TRHDE: variants seen among roughly 807,000 people sequenced by gnomAD.
The protein encoded by TRHDE is thyrotropin releasing hormone degrading enzyme, also known as thyrotropin-releasing hormone-degrading ectoenzyme.
Under a neutral mutation model 125.7 loss-of-function variants are expected in TRHDE, and 72 were observed. The ratio of observed to expected loss-of-function variants is 0.57; its 90% confidence interval spans 0.47 to 0.70. TRHDE has a LOEUF of 0.70. Among genes scored for constraint, TRHDE ranks in the 30% least tolerant of loss-of-function variants. The pLI, the probability that TRHDE is intolerant of heterozygous loss-of-function variation, is 0.00. For missense variants in TRHDE, 1,110 were observed against 1,327.1 expected (o/e 0.84, Z 2.54); for synonymous variants, 509 against 509.1 (o/e 1.00, Z 0.00).
At chr12:72,646,724 A>G (rs576535773) in intron 15 of TRHDE, among the ~76,000 whole-genome samples, 19 of 152,170 alleles carry the variant, frequency 1.2e-4, no homozygotes, top group African/African-American at 4.3e-4. Context: ...GTCAAAAACC[A>G]TCACAAAAAC....
intron 6 of TRHDE, among the ~76,000 whole-genome samples, chr12:72,518,425 T>C (rs1229139467): frequency 6.6e-6 from 1 of 151,858 alleles, no homozygotes; most frequent in African/African-American, 2.4e-5. Context: ...CTTTTGATCT[T>C]TGTTGGTTTA....
intron 2 of TRHDE, among the ~76,000 whole-genome samples, chr12:72,346,454 T>C (rs1870332221): frequency 1.4e-5 from 2 of 140,628 alleles, no homozygotes; most frequent in Admixed American, 7.4e-5. Flanking sequence ...GTTGGGTCTG[T>C]CTGCCCATGT....
At chr12:72,258,042 A>G (rs372460542) in intron 2 of TRHDE, 26 of 152,030 alleles carry the variant, frequency 1.7e-4, no homozygotes, top group African/African-American at 6.3e-4. Context: ...CAGAAGGGTA[A>G]ATGTATAGTT....
chr12:72,514,028 A>G (rs1478287242), intron 6 of TRHDE, among the ~76,000 whole-genome samples: 1 of 152,158 alleles, frequency 6.6e-6, no homozygotes, highest in Non-Finnish European at 1.5e-5. Flanking sequence ...CGGATCTCAG[A>G]TGAAAACCAT....
chr12:72,519,704 G>T (rs1879080493), intron 6 of TRHDE, among the ~76,000 whole-genome samples: 1 of 152,202 alleles, frequency 6.6e-6, no homozygotes, highest in South Asian at 2.1e-4. Context: ...CGTTCCTTTG[G>T]AGGAGGAGAG....
At chr12:72,118,730 C>T (rs900762633) in intron 2 of TRHDE, among the ~76,000 whole-genome samples, 14 of 152,008 alleles carry the variant, frequency 9.2e-5, no homozygotes, top group Non-Finnish European at 1.5e-4. Context: ...TCTTGTTACT[C>T]GTTACTGGTC....
At chr12:72,655,756 ATTG>A (rs533453854) in intron 17 of TRHDE, among the ~76,000 whole-genome samples, 62 of 152,324 alleles carry the variant, frequency 4.1e-4, no homozygotes, top group Admixed American at 1.6e-3. Flanking sequence ...TTAGAAAAAA[ATTG>A]TTATTTGCCT....
At chr12:72,218,954 C>A (rs990880982) in intron 2 of TRHDE, among the ~76,000 whole-genome samples, 4 of 152,116 alleles carry the variant, frequency 2.6e-5, no homozygotes, top group African/African-American at 7.2e-5. Context: ...AACCCCTTAT[C>A]CCTTAGTTTC....
chr12:72,653,692 C>A (rs1053276049), intron 17 of TRHDE, among the ~76,000 whole-genome samples: 1 of 151,996 alleles, frequency 6.6e-6, no homozygotes, highest in Non-Finnish European at 1.5e-5. Flanking sequence ...GGTGAGAATT[C>A]TTTAGCCTCA....
chr12:72,250,943 T>C (rs1055645682), intron 2 of TRHDE, among the ~76,000 whole-genome samples: 1 of 150,162 alleles, frequency 6.7e-6, no homozygotes, highest in Non-Finnish European at 1.5e-5. Context: ...CACTTTTTGG[T>C]CTCTCTTATT....
In TRHDE at chr12:72,499,595, C is replaced by T; in HGVS notation, c.1682C>T (p.Thr561Ile). The change falls in exon 6 of 19, where the codon ACA becomes ATA. Residue 561 changes from threonine (T) to isoleucine (I), a missense_variant. Physicochemically the swap from Thr to Ile is moderately conservative, Grantham distance 89. This residue lies in a region of TRHDE where 527 missense variants were observed against 651.8 expected (regional missense o/e 0.81). Transcript: ENST00000261180. ...GTATCACAGGAAGTGCTGCAGGCAA[C>T]AGATATTGACAGGGTGTTTGACTGG... ...HPVSQEVLQA[T>I]DIDRVFDWIA... is the part of the protein sequence containing the mutation. 2 of 1,613,606 alleles carry T rather than the reference C, an allele frequency of 1.2e-6. No individual in the cohort carries two copies. Among genetic ancestry groups the T allele is most frequent in the South Asian group, 1.1e-5 (1 of 91,070 alleles).
chr12:72,257,843 A>T, intron 2 of TRHDE: 1 of 152,200 alleles, frequency 6.6e-6, no homozygotes, highest in East Asian at 1.9e-4. Flanking sequence ...GAACGTTTAC[A>T]TCCTGATTTT....
chr12:72,363,592 A>C (rs768079222), intron 2 of TRHDE, among the ~76,000 whole-genome samples: 2 of 152,120 alleles, frequency 1.3e-5, no homozygotes, highest in African/African-American at 2.4e-5. Context: ...AAAAACTCTC[A>C]ATAAATTAGG....
chr12:72,333,455 G>T (rs982399899), intron 2 of TRHDE, among the ~76,000 whole-genome samples: 23 of 152,138 alleles, frequency 1.5e-4, no homozygotes, highest in Admixed American at 6.5e-5. Context: ...TTTTAGAAAA[G>T]GTGTTTTGGG....
At chr12:72,439,985 T>C (rs1460383238) in intron 3 of TRHDE, among the ~76,000 whole-genome samples, 2 of 152,062 alleles carry the variant, frequency 1.3e-5, no homozygotes, top group African/African-American at 2.4e-5. Flanking sequence ...TTGGATTTTC[T>C]CATATGCTCT....
At chr12:72,442,550 T>C (rs1214127278) in intron 3 of TRHDE, among the ~76,000 whole-genome samples, 1 of 151,914 alleles carries the variant, frequency 6.6e-6, no homozygotes, top group African/African-American at 2.4e-5. Flanking sequence ...TCTTTCATTC[T>C]TGGAACTTTA....
At chr12:72,164,351 G>T (rs115333899) in intron 2 of TRHDE, among the ~76,000 whole-genome samples, 10 of 152,270 alleles carry the variant, frequency 6.6e-5, no homozygotes, top group African/African-American at 2.2e-4. Flanking sequence ...GAAGGGTAAG[G>T]GTGGTTTGAT....
At chr12:72,158,574 T>A (rs1210441695) in intron 2 of TRHDE, among the ~76,000 whole-genome samples, 1 of 152,164 alleles carries the variant, frequency 6.6e-6, no homozygotes, top group Admixed American at 6.5e-5. Flanking sequence ...CCATTTATTA[T>A]TCAGTCTTAT....
chr12:72,213,004 G>A (rs1323260727), intron 2 of TRHDE, among the ~76,000 whole-genome samples: 2 of 152,086 alleles, frequency 1.3e-5, no homozygotes, highest in African/African-American at 2.4e-5. Context: ...TTGGCAATAG[G>A]AGGAATGAAA....
Sources: allele counts gnomAD v4.1 joint callset (sites outside exome capture counted in the v4.1 genomes callset), GRCh38; gene constraint gnomAD v4.1.1; regional missense constraint gnomAD v4.1.1; transcripts MANE v1.5; gene names NCBI Gene and HGNC (gene_info 2026-07-23, HGNC 2026-07-21).